RPS6KC1: variants seen among roughly 807,000 people sequenced by gnomAD.
RPS6KC1 encodes inactive ribosomal protein S6 kinase delta-1.
RPS6KC1 carries 54 observed loss-of-function variants against 103.8 expected under a neutral mutation model. The observed-to-expected ratio is 0.52, with a 90% CI of 0.42 to 0.65. RPS6KC1 has a LOEUF of 0.65. RPS6KC1 is among the 30% of genes least tolerant of loss of function. RPS6KC1 has a pLI of 0.00. For synonymous variants in RPS6KC1, 439 were observed against 438.7 expected (o/e 1.00, Z -0.01); for missense variants, 1,151 against 1,253.8 (o/e 0.92, Z 1.24).
chr1:213,104,817 G>GTACT (rs2082327014), intron 4 of RPS6KC1, among the ~76,000 whole-genome samples: 1 of 150,518 alleles, frequency 6.6e-6, no homozygotes, highest in African/African-American at 2.5e-5. Context: ...TGACAGGTGT[G>GTACT]ATCATGGCGT....
the RPS6KC1 span, among the ~76,000 whole-genome samples, chr1:213,826,909 G>T: frequency 3.3e-4 from 50 of 152,282 alleles, no homozygotes; most frequent in Non-Finnish European, 5.4e-4. Flanking sequence ...ACTGGGTTCA[G>T]GTCCCATCAC....
chr1:213,719,557 G>GTT, the RPS6KC1 span, among the ~76,000 whole-genome samples: 22 of 117,166 alleles, frequency 1.9e-4, no homozygotes, highest in Non-Finnish European at 2.8e-4. Flanking sequence ...TTCTTAGTTC[G>GTT]TTTTTTTTAA....
chr1:213,167,974 G>A lies in RPS6KC1; in HGVS notation c.951+1G>A, dbSNP rs1409551382. 6.3e-7 allele frequency: 1 copy of A among 1,587,372 alleles called. No individual in the cohort carries two copies. The highest frequency in any genetic ancestry group is 1.7e-5 in the Admixed American group (1 of 59,616). ...ACCTCAGCTTGATGATGTATCTCAG[G>A]TATGTCTCATATTTTGTTGTGTGTT... On this transcript the variant is annotated splice_donor_variant, in intron 7 of 14. Coordinates refer to ENST00000366960, the MANE Select transcript of RPS6KC1 (RefSeq NM_012424.6). LOFTEE classifies it high-confidence loss of function.
chr1:213,570,964 G>A, the RPS6KC1 span, among the ~76,000 whole-genome samples: 2 of 152,180 alleles, frequency 1.3e-5, no homozygotes, highest in African/African-American at 2.4e-5. Context: ...GTCATACTCT[G>A]ATAATTAATA....
chr1:213,190,352 G>A (rs920379315), intron 8 of RPS6KC1, among the ~76,000 whole-genome samples: 14 of 152,156 alleles, frequency 9.2e-5, no homozygotes, highest in African/African-American at 3.4e-4. Flanking sequence ...ATTTTAACTG[G>A]GGTGAGATGA....
At chr1:213,812,292 T>C in the RPS6KC1 span, among the ~76,000 whole-genome samples, 1 of 152,234 alleles carries the variant, frequency 6.6e-6, no homozygotes, top group Non-Finnish European at 1.5e-5. Flanking sequence ...ATGTCCTCTT[T>C]TTGGTAGTAT....
chr1:213,631,051 C>T, the RPS6KC1 span, among the ~76,000 whole-genome samples: 4 of 152,256 alleles, frequency 2.6e-5, no homozygotes, highest in African/African-American at 9.6e-5. Context: ...TTTGCTAAGA[C>T]AGTTGGAAAA....
At chr1:213,456,179 G>A in the RPS6KC1 span, among the ~76,000 whole-genome samples, 6 of 152,160 alleles carry the variant, frequency 3.9e-5, no homozygotes, top group Admixed American at 1.3e-4. Flanking sequence ...CGGAGTGTGC[G>A]TCCCGTGCAG....
At chr1:213,585,199 G>A in the RPS6KC1 span, among the ~76,000 whole-genome samples, 5 of 152,242 alleles carry the variant, frequency 3.3e-5, no homozygotes, top group South Asian at 2.1e-4. Flanking sequence ...TATAGCTAGC[G>A]CTCAGTGAAT....
the RPS6KC1 span, among the ~76,000 whole-genome samples, chr1:213,464,187 G>A: frequency 6.6e-6 from 1 of 152,120 alleles, no homozygotes; most frequent in Non-Finnish European, 1.5e-5. Context: ...CTCAGAACTA[G>A]AATTATTATG....
At chr1:213,205,409 G>C (rs1009979942) in intron 8 of RPS6KC1, 1 of 982,470 alleles carries the variant, frequency 1.0e-6, no homozygotes, top group Non-Finnish European at 1.2e-6. Flanking sequence ...GAAGCAGTTT[G>C]AGTCACTATG....
chr1:213,563,995 T>A, the RPS6KC1 span, among the ~76,000 whole-genome samples: 4 of 147,806 alleles, frequency 2.7e-5, no homozygotes, highest in Admixed American at 2.7e-4. Flanking sequence ...TGTATTTTAC[T>A]TTTTTTTTCT....
the RPS6KC1 span, among the ~76,000 whole-genome samples, chr1:213,762,863 C>T: frequency 6.8e-5 from 10 of 146,310 alleles, no homozygotes; most frequent in African/African-American, 2.3e-4. Context: ...AATTTTTTTA[C>T]GTTTTTTTTT....
At chr1:213,261,699 A>C (rs1163218279) in intron 13 of RPS6KC1, 59 bp downstream of exon 13, 1 of 1,423,742 alleles carries the variant, frequency 7.0e-7, no homozygotes, top group African/African-American at 1.4e-5. Context: ...ATTTCAAATT[A>C]AGAACATTAG....
At chr1:213,766,848 T>C in the RPS6KC1 span, among the ~76,000 whole-genome samples, 1 of 152,126 alleles carries the variant, frequency 6.6e-6, no homozygotes, top group Non-Finnish European at 1.5e-5. Flanking sequence ...ATTCATTTCC[T>C]CCCATGGCTT....
chr1:213,206,534 GA>G (rs1462780048), intron 8 of RPS6KC1, among the ~76,000 whole-genome samples: 1 of 152,102 alleles, frequency 6.6e-6, no homozygotes, highest in Admixed American at 6.5e-5. Context: ...AAAAAAGCAT[GA>G]AAAAAGACAG....
At chr1:213,105,215 AG>A (rs2082362216) in intron 4 of RPS6KC1, among the ~76,000 whole-genome samples, 1 of 136,388 alleles carries the variant, frequency 7.3e-6, no homozygotes, top group African/African-American at 3.1e-5. Flanking sequence ...TTTCATTTTA[AG>A]TTTTTTTTTT....
chr1:213,705,266 G>T, the RPS6KC1 span, among the ~76,000 whole-genome samples: 1 of 152,208 alleles, frequency 6.6e-6, no homozygotes, highest in Non-Finnish European at 1.5e-5. Flanking sequence ...CCAGGGACTA[G>T]ATTCAAAAAC....
chr1:213,318,685 G>A, the RPS6KC1 span, among the ~76,000 whole-genome samples: 1 of 152,174 alleles, frequency 6.6e-6, no homozygotes, highest in Non-Finnish European at 1.5e-5. Context: ...GATGGCAGCA[G>A]GCAAAGAGAG....
Sources: allele counts gnomAD v4.1 joint callset (sites outside exome capture counted in the v4.1 genomes callset), GRCh38; gene constraint gnomAD v4.1.1; transcripts MANE v1.5; gene names NCBI Gene and HGNC (gene_info 2026-07-23, HGNC 2026-07-21).